The following LRRN1 variants were observed in gnomAD, a reference collection of about 807,000 sequenced individuals.
LRRN1 encodes leucine-rich repeat neuronal protein 1.
A neutral mutation model predicts 45.8 loss-of-function variants in LRRN1; 14 were observed. That is an observed-to-expected ratio of 0.31 (90% CI 0.20 to 0.48). The LOEUF (loss-of-function observed/expected upper bound fraction) is 0.48, where lower values mean the gene tolerates loss of function less well. Ranked by LOEUF, LRRN1 falls within the 20% of genes least tolerant of loss-of-function variation. The probability of loss-of-function intolerance (pLI) is 0.99; values close to 1 mark genes in which losing one functional copy is unlikely to be tolerated. For synonymous variants in LRRN1, 359 were observed against 330.1 expected, an observed-to-expected ratio of 1.09 and a Z score of -0.95; for missense variants, 789 against 874.2, an observed-to-expected ratio of 0.90 and a Z score of 1.23.
rs546159176 is a variant in LRRN1 at position 3,806,713 on chromosome 3, A to G, written c.-279+6794A>G. Among the ~76,000 whole-genome samples, 22 of 152,340 alleles carry G rather than the reference A, an allele frequency of 1.4e-4. No individual in the cohort carries two copies. In the South Asian group the frequency reaches 4.6e-3, roughly 32 times the overall value. On this transcript the variant is annotated intron_variant, in intron 1 of 1. Transcript: ENST00000319331. ...TATTTTAGAGCTTTAAACTTTGCCA[A>G]ATCCTTAAATATTTATCTCATTTGA...
In LRRN1 at chr3:3,846,319, A is replaced by C; in HGVS notation, c.1678A>C (p.Thr560Pro). 1 of 1,614,002 alleles carries C rather than the reference A, an allele frequency of 6.2e-7. No individual in the cohort carries two copies. Among genetic ancestry groups the C allele is most frequent in the Non-Finnish European group, 8.5e-7 (1 of 1,180,008 alleles). Residue 560 changes from threonine to proline, a missense_variant, in exon 2 of 2, where the codon ACC (threonine) becomes CCC (proline). Thr to Pro is a conservative substitution (Grantham distance 38). Transcript: ENST00000319331. The surrounding 1 kb of genome is among the most constrained non-coding windows in gnomAD (Gnocchi z 5.7). ...GTCAAACTTAAAATGGTCGTCTGCC[A>C]CCATGAAGATTGATAACCCTCACAT... is the stretch of plus-strand genomic sequence containing the variant. ...MTSNLKWSSATMKIDNPHITY... is the reference protein window; with the variant it reads ...MTSNLKWSSAPMKIDNPHITY...
chr3:3,799,910 G>C lies in LRRN1; in HGVS notation c.-288G>C, dbSNP rs1347626605. The C allele has an allele frequency of 1.3e-5, 2 of 156,554 alleles. No homozygotes were observed. The highest frequency in any genetic ancestry group is 1.3e-4 in the Admixed American group (2 of 15,332). The allele number at this position is 156,554 out of a possible 1,614,324, so 9.7% of individuals were successfully genotyped here. On this transcript the variant is annotated 5_prime_UTR_variant, in exon 1 of 2. Transcript: ENST00000319331. The stretch of plus-strand genomic sequence containing the variant: ...GCGCACCCCAACACCCCCACCAGCT[G>C]GGCCTCGGGGTAAGTCCCTGGCCGG...
chr3:3,806,390 A>G (rs1350883862), intron 1 of LRRN1, among the ~76,000 whole-genome samples: 2 of 152,230 alleles, frequency 1.3e-5, no homozygotes, highest in Admixed American at 1.3e-4. Flanking sequence ...GTTAATTCAC[A>G]GAACAGGCTT....
chr3:3,835,017 G>C (rs1693476117), intron 1 of LRRN1, among the ~76,000 whole-genome samples: 1 of 152,060 alleles, frequency 6.6e-6, no homozygotes, highest in South Asian at 2.1e-4. Context: ...GCCCTAGGCT[G>C]AATATTTTTA....
At chr3:3,827,913 A>G (rs1313372510) in intron 1 of LRRN1, among the ~76,000 whole-genome samples, 1 of 152,150 alleles carries the variant, frequency 6.6e-6, no homozygotes, top group Non-Finnish European at 1.5e-5. Context: ...GGTTGAAAAT[A>G]TAATAGAAAT....
intron 1 of LRRN1, among the ~76,000 whole-genome samples, chr3:3,815,253 C>A (rs1476536816): frequency 6.6e-6 from 1 of 152,116 alleles, no homozygotes; most frequent in Non-Finnish European, 1.5e-5. Context: ...GTAAGCCCTC[C>A]TTTTTGTGAC....
intron 1 of LRRN1, among the ~76,000 whole-genome samples, chr3:3,834,525 G>GATATATATATATGTATATATAT (rs1553563063): frequency 3.7e-5 from 1 of 27,310 alleles, no homozygotes; most frequent in African/African-American, 8.6e-5. Context: ...GACAGAACAG[G>GATATATATATATGTATATATAT]ATATATATAT....
In LRRN1 at chr3:3,848,042, G is replaced by A. The variant is rs1693813462; in HGVS notation, c.*1250G>A. The stretch of plus-strand genomic sequence containing the variant: ...TTCTGTAAGAGTTTTGTTAAAACCT[G>A]ATTTTCTTTTGTAGTATCCACATTC... On this transcript the variant is annotated 3_prime_UTR_variant, in exon 2 of 2. Transcript: ENST00000319331. Among the ~76,000 whole-genome samples, 1 of 152,046 alleles carries A rather than the reference G, an allele frequency of 6.6e-6. No homozygotes were observed. The highest frequency in any genetic ancestry group is 6.6e-5 in the Admixed American group (1 of 15,244).
chr3:3,847,940 C>A lies in LRRN1; in HGVS notation c.*1148C>A, dbSNP rs1278613529. On this transcript the variant is annotated 3_prime_UTR_variant, in exon 2 of 2. Transcript: ENST00000319331. ...AAATATATATATACACCAATATATT[C>A]ATATATACTCACACACATCCCAACC... 3.3e-5 allele frequency among the ~76,000 whole-genome samples: 5 copies of A among 151,990 alleles called. No homozygotes were observed. The highest frequency in any genetic ancestry group is 1.2e-4 in the African/African-American group (5 of 41,390).
At chr3:3,822,294 C>T (rs1461884816) in intron 1 of LRRN1, among the ~76,000 whole-genome samples, 2 of 152,190 alleles carry the variant, frequency 1.3e-5, no homozygotes, top group Non-Finnish European at 2.9e-5. Context: ...ACAACTACTA[C>T]TCAGCCAAAA....
intron 1 of LRRN1, among the ~76,000 whole-genome samples, chr3:3,811,867 G>A (rs1195415558): frequency 1.3e-5 from 2 of 152,202 alleles, no homozygotes; most frequent in Non-Finnish European, 2.9e-5. Flanking sequence ...GTGATCATCT[G>A]TAGGAATTCT....
intron 1 of LRRN1, among the ~76,000 whole-genome samples, chr3:3,830,264 A>C (rs983930993): frequency 1.3e-5 from 2 of 152,156 alleles, no homozygotes; most frequent in South Asian, 4.1e-4. Flanking sequence ...GTCAATCCAC[A>C]TACCTCCTCC....
intron 1 of LRRN1, among the ~76,000 whole-genome samples, chr3:3,818,607 A>G (rs1204174063): frequency 6.6e-6 from 1 of 152,228 alleles, no homozygotes; most frequent in Non-Finnish European, 1.5e-5. Flanking sequence ...TGGGTTTAAA[A>G]GGGCTGTGAA....
chr3:3,839,793 A>G (rs1693607878), intron 1 of LRRN1, among the ~76,000 whole-genome samples: 1 of 152,020 alleles, frequency 6.6e-6, no homozygotes, highest in African/African-American at 2.4e-5. Context: ...AGTCATTGTT[A>G]GTTTATGGAA....
chr3:3,837,355 A>AC (rs1693544260), intron 1 of LRRN1, among the ~76,000 whole-genome samples: 1 of 151,318 alleles, frequency 6.6e-6, no homozygotes, highest in Non-Finnish European at 1.5e-5. Context: ...TTATAACCCC[A>AC]CACCAAGTGT....
In LRRN1 at chr3:3,846,512, C is replaced by T. The variant is rs1166678720; in HGVS notation, c.1871C>T (p.Ser624Phe). The T allele has an allele frequency of 6.2e-7, 1 of 1,614,202 alleles. No individual in the cohort carries two copies. The highest frequency in any genetic ancestry group is 1.7e-5 in the Admixed American group (1 of 60,026). The change falls in exon 2 of 2, where the codon TCT becomes TTT. Residue 624 changes from serine to phenylalanine, a missense_variant. Transcript: ENST00000319331. This position sits in a 1 kb window ranked among gnomAD's most constrained non-coding sequence, Gnocchi z 5.7. Reference protein sequence around the residue: ...TKNAAFAVDISDQETSTALAA... With the variant: ...TKNAAFAVDIFDQETSTALAA... ...AATGCCGCCTTCGCAGTGGACATCTCTGATCAAGAAACCAGTACAGCCCTT... is the reference window on the plus strand; with the variant it reads ...AATGCCGCCTTCGCAGTGGACATCTTTGATCAAGAAACCAGTACAGCCCTT...
chr3:3,829,821 G>A (rs1693326216), intron 1 of LRRN1, among the ~76,000 whole-genome samples: 1 of 152,234 alleles, frequency 6.6e-6, no homozygotes, highest in Non-Finnish European at 1.5e-5. Context: ...CTGCATGCAG[G>A]ATAGGCAAAC....
intron 1 of LRRN1, among the ~76,000 whole-genome samples, chr3:3,802,208 C>G (rs746698924): frequency 6.6e-6 from 1 of 152,214 alleles, no homozygotes; most frequent in Admixed American, 6.5e-5. Context: ...TCTGCCGTGT[C>G]TAACATTAGC....
intron 1 of LRRN1, among the ~76,000 whole-genome samples, chr3:3,835,161 A>G (rs370338162): frequency 3.3e-5 from 5 of 152,198 alleles, no homozygotes; most frequent in Admixed American, 6.5e-5. Context: ...TTACGTCCTG[A>G]TACACCCATC....
Sources: allele counts gnomAD v4.1 joint callset (sites outside exome capture counted in the v4.1 genomes callset), GRCh38; gene constraint gnomAD v4.1.1; non-coding constraint Gnocchi (gnomAD v3.1); transcripts MANE v1.5; gene names NCBI Gene and HGNC (gene_info 2026-07-23, HGNC 2026-07-21).